The following PLCB1 variants were observed in gnomAD, a reference collection of about 807,000 sequenced individuals.
The protein encoded by PLCB1 is 1-phosphatidylinositol 4,5-bisphosphate phosphodiesterase beta-1.
In PLCB1, 46 loss-of-function variants were observed where a neutral mutation model predicts 161.8. The ratio of observed to expected loss-of-function variants is 0.28; its 90% CI spans 0.22 to 0.36. The LOEUF (loss-of-function observed/expected upper bound fraction) is 0.36, where lower values mean the gene tolerates loss of function less well. Among genes scored for constraint, PLCB1 ranks in the 10% least tolerant of loss-of-function variants. The pLI is 1.00. For missense variants in PLCB1, 1,016 were observed against 1,472.5 expected, an observed-to-expected ratio of 0.69 and a Z score of 5.07; for synonymous variants, 517 against 503.7, an observed-to-expected ratio of 1.03 and a Z score of -0.35.
At chr20:8,510,782 TTTAA>T (rs1983853103) in intron 3 of PLCB1, among the ~76,000 whole-genome samples, 1 of 152,216 alleles carries the variant, frequency 6.6e-6, no homozygotes, top group African/African-American at 2.4e-5. Flanking sequence ...GTAATTAAAC[TTTAA>T]TTACTACTTC....
intron 31 of PLCB1, among the ~76,000 whole-genome samples, chr20:8,799,569 A>G (rs1984189237): frequency 6.6e-6 from 1 of 152,198 alleles, no homozygotes; most frequent in African/African-American, 2.4e-5. Flanking sequence ...ATTATCAAAC[A>G]CACACATCCA....
intron 3 of PLCB1, among the ~76,000 whole-genome samples, chr20:8,560,784 C>T (rs1010719746): frequency 6.6e-6 from 1 of 151,872 alleles, no homozygotes; most frequent in Non-Finnish European, 1.5e-5. Context: ...AGTCTTTGAC[C>T]ATATGTGTGT....
At chr20:8,215,107 A>G (rs538638251) in intron 2 of PLCB1, among the ~76,000 whole-genome samples, 1 of 152,184 alleles carries the variant, frequency 6.6e-6, no homozygotes, top group East Asian at 1.9e-4. Flanking sequence ...TGTGTTTACC[A>G]TGTGAATTTG....
At chr20:8,299,011 T>TGGAC (rs1983766359) in intron 2 of PLCB1, among the ~76,000 whole-genome samples, 1 of 151,778 alleles carries the variant, frequency 6.6e-6, no homozygotes, top group Non-Finnish European at 1.5e-5. Flanking sequence ...GGTAGGTAGA[T>TGGAC]AGACAGACTA....
intron 23 of PLCB1, chr20:8,751,663 C>T (rs981123126): frequency 9.2e-5 from 14 of 152,282 alleles, no homozygotes; most frequent in African/African-American, 3.4e-4. Flanking sequence ...AGGGCAGGAA[C>T]TTACTTCTGT....
intron 2 of PLCB1, among the ~76,000 whole-genome samples, chr20:8,199,544 C>G (rs1249381780): frequency 6.6e-6 from 1 of 151,962 alleles, no homozygotes; most frequent in African/African-American, 2.4e-5. Flanking sequence ...GTTGAGCCTC[C>G]TTGCCTAAGT....
rs1320302752 is a variant in PLCB1 at position 8,739,372 on chromosome 20, G to A, written c.2308+12G>A. The A allele has an allele frequency of 3.2e-6, 5 of 1,544,886 alleles. No homozygotes were observed. Among genetic ancestry groups the A allele is most frequent in the Non-Finnish European group, 9.0e-7 (1 of 1,117,150 alleles). ...AGCCATTCGGCCAGGTATGGGTAGT[G>A]TGCTGAGAAACCTTTTATCAAAGTT... On this transcript the variant is annotated intron_variant, in intron 21 of 31. Coordinates refer to ENST00000338037, the MANE Select transcript of PLCB1 (RefSeq NM_015192.4).
rs1982851592 is a variant in PLCB1, at chr20:8,774,574, C to T, written c.2966C>T (p.Thr989Met). The T allele has an allele frequency of 8.1e-6, 13 of 1,613,204 alleles. No homozygotes were observed. Among genetic ancestry groups the T allele is most frequent in the South Asian group, 2.2e-5 (2 of 90,934 alleles). ...EPSSPDHGSS[T>M]IEQDLAALDA... ...AGCAGCCCTGATCATGGTTCATCAA[C>T]GATTGAGCAAGACCTCGCTGCTCTG... Residue 989 changes from threonine (T) to methionine (M), a missense_variant, in exon 27 of 32, where the codon ACG becomes ATG. Thr to Met is a moderately conservative substitution (Grantham distance 81, BLOSUM62 -1). This residue lies in a region of PLCB1 where 398 missense variants were observed against 445.4 expected (regional missense o/e 0.89). Coordinates refer to ENST00000338037, the MANE Select transcript of PLCB1 (RefSeq NM_015192.4).
intron 4 of PLCB1, among the ~76,000 whole-genome samples, chr20:8,644,485 C>A (rs1341435191): frequency 7.0e-4 from 106 of 151,274 alleles, no homozygotes; most frequent in Middle Eastern, 3.4e-3. Flanking sequence ...TGCCCAGCCG[C>A]GACCCCGTCT....
chr20:8,174,810 A>G (rs1442467781), intron 2 of PLCB1, among the ~76,000 whole-genome samples: 2 of 152,196 alleles, frequency 1.3e-5, no homozygotes, highest in African/African-American at 2.4e-5. Flanking sequence ...ACACTTTAGG[A>G]GGTCAATGCA....
chr20:8,517,668 A>T (rs1305915604), intron 3 of PLCB1, among the ~76,000 whole-genome samples: 1 of 152,230 alleles, frequency 6.6e-6, no homozygotes, highest in Non-Finnish European at 1.5e-5. Flanking sequence ...CACAGGACTG[A>T]ATAGGATGGG....
chr20:8,576,279 C>A (rs2123064843), intron 3 of PLCB1, among the ~76,000 whole-genome samples: 1 of 152,240 alleles, frequency 6.6e-6, no homozygotes, highest in Non-Finnish European at 1.5e-5. Context: ...AGTTTGGGGA[C>A]TGTGCTATGC....
intron 2 of PLCB1, among the ~76,000 whole-genome samples, chr20:8,265,268 C>A (rs1981899426): frequency 6.6e-6 from 1 of 152,098 alleles, no homozygotes. Flanking sequence ...TGAGTGAATG[C>A]ATATAAAAAA....
At chr20:8,174,369 C>T (rs1490839703) in intron 2 of PLCB1, among the ~76,000 whole-genome samples, 1 of 152,172 alleles carries the variant, frequency 6.6e-6, no homozygotes, top group Non-Finnish European at 1.5e-5. Flanking sequence ...TCAACAGTGA[C>T]TTCTGTGTCC....
At chr20:8,276,916 GTCTTCTTCTTT>G (rs1982574831) in intron 2 of PLCB1, among the ~76,000 whole-genome samples, 2 of 143,500 alleles carry the variant, frequency 1.4e-5, no homozygotes, top group African/African-American at 5.2e-5. Context: ...TAGCTTCTTC[GTCTTCTTCTTT>G]TCTTCTTCTT....
intron 2 of PLCB1, among the ~76,000 whole-genome samples, chr20:8,281,694 G>T (rs550420009): frequency 1.3e-5 from 2 of 151,574 alleles, no homozygotes; most frequent in African/African-American, 4.8e-5. Flanking sequence ...ACTTTTTTTT[G>T]GTTTTAAAGT....
intron 3 of PLCB1, among the ~76,000 whole-genome samples, chr20:8,414,400 A>C (rs983210793): frequency 3.9e-4 from 59 of 152,194 alleles, no homozygotes; most frequent in African/African-American, 1.4e-3. Context: ...TGAAGTGCAC[A>C]TTGTCTTGAT....
chr20:8,865,956 T>A (rs1600103094), intron 31 of PLCB1, among the ~76,000 whole-genome samples: 2 of 152,182 alleles, frequency 1.3e-5, no homozygotes, highest in African/African-American at 2.4e-5. Flanking sequence ...TTATTCTAAA[T>A]TGACTGCTAC....
intron 2 of PLCB1, among the ~76,000 whole-genome samples, chr20:8,154,194 G>A (rs1245904079): frequency 3.3e-5 from 5 of 152,136 alleles, no homozygotes; most frequent in African/African-American, 1.2e-4. Context: ...GTGTCTCAGA[G>A]AACTTTTCAA....
Sources: allele counts gnomAD v4.1 joint callset (sites outside exome capture counted in the v4.1 genomes callset), GRCh38; gene constraint gnomAD v4.1.1; regional missense constraint gnomAD v4.1.1; transcripts MANE v1.5; gene names NCBI Gene and HGNC (gene_info 2026-07-23, HGNC 2026-07-21).